UBR2: variants seen among roughly 807,000 people sequenced by gnomAD.
UBR2 encodes the protein ubiquitin protein ligase E3 component n-recognin 2, also known as E3 ubiquitin-protein ligase UBR2.
In UBR2, 92 loss-of-function variants were observed where a neutral mutation model predicts 247.9. That is an observed-to-expected ratio of 0.37 (90% CI 0.31 to 0.44). UBR2 has a LOEUF of 0.44. UBR2 is among the 20% of genes least tolerant of loss of function. The pLI is 1.00. For missense variants in UBR2, 1,613 were observed against 2,112.6 expected (o/e 0.76, Z 4.64); for synonymous variants, 672 against 693.5 (o/e 0.97, Z 0.49).
At chr6:42,581,524 A>G (rs1010517574) in intron 2 of UBR2, among the ~76,000 whole-genome samples, 1 of 152,156 alleles carries the variant, frequency 6.6e-6, no homozygotes, top group Non-Finnish European at 1.5e-5. Context: ...ACAAGGTCTC[A>G]CTTTGCTGCC....
intron 2 of UBR2, among the ~76,000 whole-genome samples, chr6:42,579,561 C>T (rs1230997981): frequency 2.0e-5 from 3 of 152,154 alleles, no homozygotes; most frequent in Admixed American, 6.6e-5. Context: ...CCCATTCTGT[C>T]GCTTAGTCTA....
At chr6:42,592,258 G>T in intron 3 of UBR2, 29 bp downstream of exon 3, 3 of 1,431,726 alleles carry the variant, frequency 2.1e-6, no homozygotes, top group Non-Finnish European at 2.8e-6. Flanking sequence ...ATAACCATGC[G>T]CAGTATTGCA....
At chr6:42,625,318 A>G (rs188752160) in intron 11 of UBR2, among the ~76,000 whole-genome samples, 31 of 152,274 alleles carry the variant, frequency 2.0e-4, no homozygotes, top group South Asian at 1.0e-3. Context: ...TTCCAATTAC[A>G]TTGATTTAAA....
At chr6:42,620,091 ACT>A (rs1418126682) in intron 11 of UBR2, 2 of 846,872 alleles carry the variant, frequency 2.4e-6, no homozygotes, top group African/African-American at 3.7e-5. Flanking sequence ...GTTCTACCAG[ACT>A]CTTTTCCATA....
chr6:42,681,300 G>T (rs1387469208), intron 42 of UBR2, among the ~76,000 whole-genome samples: 1 of 152,030 alleles, frequency 6.6e-6, no homozygotes, highest in Non-Finnish European at 1.5e-5. Flanking sequence ...AGCCCTGGAG[G>T]TCGAGGCTAC....
chr6:42,614,256 A>G (rs1794312689), intron 8 of UBR2, among the ~76,000 whole-genome samples: 1 of 145,460 alleles, frequency 6.9e-6, no homozygotes, highest in Admixed American at 7.0e-5. Flanking sequence ...GCGCGCACAT[A>G]TATATACACA....
At position 42,564,405 on chromosome 6, in the gene UBR2, C is replaced by G. The variant is rs750004186; in HGVS notation, c.78+8C>G. On this transcript the variant is annotated splice_region_variant and intron_variant, in intron 1 of 46. Transcript: ENST00000372901. ...GCCGAGGAGATTGCGGGGGTGAGTG[C>G]CGGAACCCGGGCGGGTGCGTCTGCC... 1 of 1,606,566 alleles carries G rather than the reference C, an allele frequency of 6.2e-7. No homozygotes were observed. The highest frequency in any genetic ancestry group is 2.3e-5 in the East Asian group (1 of 44,348).
chr6:42,609,946 C>A (rs1195491535), intron 7 of UBR2, among the ~76,000 whole-genome samples: 2 of 151,250 alleles, frequency 1.3e-5, no homozygotes, highest in Non-Finnish European at 2.9e-5. Context: ...ATAGACATTT[C>A]TCTGGAGCAG....
chr6:42,565,145 T>A (rs1790704290), intron 1 of UBR2, among the ~76,000 whole-genome samples: 1 of 152,116 alleles, frequency 6.6e-6, no homozygotes, highest in Non-Finnish European at 1.5e-5. Flanking sequence ...CTGGTCACAG[T>A]GTAGTAGGAG....
At chr6:42,637,504 A>G (rs910675995) in intron 15 of UBR2, among the ~76,000 whole-genome samples, 2 of 37,762 alleles carry the variant, frequency 5.3e-5, no homozygotes, top group Non-Finnish European at 9.3e-5. Context: ...TTCTTTAGAC[A>G]ACTACAGATA....
At chr6:42,687,081 G>A (rs1033748141) in intron 44 of UBR2, among the ~76,000 whole-genome samples, 1 of 152,150 alleles carries the variant, frequency 6.6e-6, no homozygotes, top group African/African-American at 2.4e-5. Context: ...CCTAGACGGG[G>A]TGGCGGCCGG....
At chr6:42,586,093 G>A (rs952904724) in intron 2 of UBR2, among the ~76,000 whole-genome samples, 2 of 152,112 alleles carry the variant, frequency 1.3e-5, no homozygotes, top group Admixed American at 1.3e-4. Context: ...GACCCAGCAA[G>A]GTGGCTCACG....
In UBR2 at chr6:42,655,661, A is replaced by G; in HGVS notation, c.2810A>G (p.Gln937Arg). The change falls in exon 26 of 47, where the codon CAA becomes CGA. Residue 937 changes from glutamine to arginine, a missense_variant. Physicochemically the swap from Gln to Arg is conservative, Grantham distance 43 (BLOSUM62 1). Transcript: ENST00000372901. ...GGCATGGCACTACAAGAAGAAAAAC[A>G]ACATTTAGAGAATGTCACGGAAGAG... The part of the protein sequence containing the change: ...LIGMALQEEK[Q>R]HLENVTEEHV... 1.9e-6 allele frequency: 3 copies of G among 1,561,394 alleles called. No homozygotes were observed. Among genetic ancestry groups the G allele is most frequent in the Non-Finnish European group, 2.6e-6 (3 of 1,163,946 alleles).
chr6:42,588,933 C>T (rs1471066865), intron 2 of UBR2, among the ~76,000 whole-genome samples: 3 of 152,110 alleles, frequency 2.0e-5, no homozygotes, highest in Non-Finnish European at 2.9e-5. Context: ...AGAAATATTC[C>T]TCAATATTCC....
intron 36 of UBR2, among the ~76,000 whole-genome samples, chr6:42,671,735 C>T (rs1798453394): frequency 6.6e-6 from 1 of 152,108 alleles, no homozygotes; most frequent in Admixed American, 6.5e-5. Flanking sequence ...TGGCTCCTGC[C>T]TCTCAGCCCA....
intron 7 of UBR2, among the ~76,000 whole-genome samples, chr6:42,609,060 CAG>C (rs1370854937): frequency 1.3e-5 from 2 of 152,038 alleles, no homozygotes; most frequent in African/African-American, 2.4e-5. Flanking sequence ...CAGATCATAA[CAG>C]AAAATCTAGC....
In UBR2 at chr6:42,645,539, G is replaced by A. The variant is rs751587588; in HGVS notation, c.2358G>A (p.Leu786=). Residue 786 remains leucine, a synonymous_variant, in exon 21 of 47, where the codon TTG becomes TTA. Transcript: ENST00000372901. ...DEIKREIIHQ[L]SIKPMAHSEL... is the part of the protein sequence containing the mutation. ...TCAAGCGAGAGATTATCCATCAGTT[G>A]AGTATCAAGCCTATGGCTCATAGTG... The A allele has an allele frequency of 1.2e-6, 2 of 1,613,834 alleles. No homozygotes were observed. The highest frequency in any genetic ancestry group is 1.7e-6 in the Non-Finnish European group (2 of 1,179,800).
chr6:42,577,718 C>A (rs888092492), intron 2 of UBR2, among the ~76,000 whole-genome samples: 11 of 151,920 alleles, frequency 7.2e-5, no homozygotes, highest in African/African-American at 2.4e-4. Context: ...TTTCATCCCC[C>A]TGTTTTTTTA....
chr6:42,617,554 A>G, intron 11 of UBR2, 47 bp downstream of exon 11: 2 of 1,504,534 alleles, frequency 1.3e-6, no homozygotes, highest in South Asian at 2.4e-5. Flanking sequence ...CCATTAACAG[A>G]GGCCTTAAAA....
Sources: gnomAD v4.1 joint callset for allele counts (sites outside exome capture counted in the v4.1 genomes callset) on GRCh38, gnomAD v4.1.1 for gene constraint, MANE v1.5 for transcripts, NCBI Gene and HGNC (gene_info 2026-07-23, HGNC 2026-07-21) for gene names.